ST3GAL3: variants seen among roughly 807,000 people sequenced by gnomAD.
The protein encoded by ST3GAL3 is ST3 beta-galactoside alpha-2,3-sialyltransferase 3, also known as CMP-N-acetylneuraminate-beta-1,4-galactoside alpha-2,3-sialyltransferase.
A neutral mutation model predicts 50.1 loss-of-function variants in ST3GAL3; 21 were observed. That is an observed-to-expected ratio of 0.42 (90% confidence interval 0.30 to 0.60). ST3GAL3 has a LOEUF of 0.60. Among genes scored for constraint, ST3GAL3 ranks in the 20% least tolerant of loss-of-function variants. ST3GAL3 has a pLI of 0.19. For missense variants in ST3GAL3, 353 were observed against 489.4 expected (o/e 0.72, Z 2.63); for synonymous variants, 183 against 190.0 (o/e 0.96, Z 0.30).
Position 43,915,096 on chromosome 1 carries a change from GGACA to G in ST3GAL3, c.745-5302_745-5299del, listed in dbSNP as rs568852980. The stretch of plus-strand genomic sequence containing the variant: ...TCCAATGTTTGAACTGACCTTTGGA[GGACA>G]GACAGTTTGCCAGAGAAAGAGATGT... On this transcript the variant is annotated intron_variant, in intron 9 of 11. Coordinates refer to ENST00000347631, the MANE Select transcript of ST3GAL3 (RefSeq NM_006279.5). Among the ~76,000 whole-genome samples the G allele has an allele frequency of 1.2e-3, 184 of 152,368 alleles. 2 individuals are homozygous for G. Among genetic ancestry groups the G allele is most frequent in the African/African-American group, 4.1e-3 (172 of 41,582 alleles).
chr1:43,912,184 C>A, intron 9 of ST3GAL3: 1 of 152,114 alleles, frequency 6.6e-6, no homozygotes, highest in Non-Finnish European at 1.5e-5. Context: ...CATCAAGGAG[C>A]CTGGACCTTA....
intron 2 of ST3GAL3, among the ~76,000 whole-genome samples, chr1:43,762,128 G>A (rs1203490754): frequency 4.6e-5 from 7 of 151,088 alleles, no homozygotes; most frequent in African/African-American, 1.5e-4. Context: ...AAAATCAGTC[G>A]GATGTGGTGG....
intron 4 of ST3GAL3, among the ~76,000 whole-genome samples, chr1:43,816,709 G>A (rs1405307740): frequency 5.3e-5 from 8 of 152,226 alleles, no homozygotes; most frequent in African/African-American, 1.7e-4. Flanking sequence ...GTTGGGTCCT[G>A]CAGAGTAGGC....
At chr1:43,921,681 C>T (rs16831424) in intron 11 of ST3GAL3, 9,382 of 398,750 alleles carry the variant, frequency 0.024, 721 homozygotes, top group African/African-American at 0.17. Flanking sequence ...TCCTGCTTAT[C>T]AGTCTTCTTA....
At chr1:43,732,768 T>C (rs1676500006) in intron 1 of ST3GAL3, among the ~76,000 whole-genome samples, 1 of 152,198 alleles carries the variant, frequency 6.6e-6, no homozygotes, top group African/African-American at 2.4e-5. Flanking sequence ...TTCATGTACA[T>C]GTCCTTTTTA....
intron 2 of ST3GAL3, among the ~76,000 whole-genome samples, chr1:43,761,979 A>AG (rs1558185245): frequency 4.6e-5 from 6 of 131,726 alleles, no homozygotes; most frequent in Non-Finnish European, 6.6e-5. Flanking sequence ...AAAAAAAAAA[A>AG]TTCAGGCTGG....
intron 2 of ST3GAL3, chr1:43,772,486 G>T (rs1436160174): frequency 6.5e-6 from 1 of 153,684 alleles, no homozygotes; most frequent in Non-Finnish European, 1.4e-5. Flanking sequence ...CCAGCTACAC[G>T]CTTGGTGCCC....
intron 5 of ST3GAL3, among the ~76,000 whole-genome samples, chr1:43,893,976 G>A (rs1433645382): frequency 6.6e-6 from 1 of 152,202 alleles, no homozygotes; most frequent in Non-Finnish European, 1.5e-5. Flanking sequence ...TGTACTGGCT[G>A]TATTTTTGGA....
intron 4 of ST3GAL3, chr1:43,831,932 AGAGGATT>A (rs2063603705): frequency 1.3e-5 from 2 of 152,248 alleles, no homozygotes; most frequent in African/African-American, 4.8e-5. Context: ...ACTACTTTGT[AGAGGATT>A]GTTGTAAAGC....
At chr1:43,761,265 G>A (rs561804906) in intron 2 of ST3GAL3, among the ~76,000 whole-genome samples, 6 of 151,824 alleles carry the variant, frequency 4.0e-5, no homozygotes, top group African/African-American at 1.2e-4. Flanking sequence ...GAGTTTATTT[G>A]GCTATATATT....
intron 5 of ST3GAL3, among the ~76,000 whole-genome samples, chr1:43,875,651 G>T (rs1166014294): frequency 6.6e-6 from 1 of 151,990 alleles, no homozygotes; most frequent in Non-Finnish European, 1.5e-5. Flanking sequence ...CTGCCACCTT[G>T]TGAAGAAGGT....
intron 1 of ST3GAL3, chr1:43,716,652 G>A (rs900546371): frequency 1.3e-5 from 2 of 151,800 alleles, no homozygotes; most frequent in African/African-American, 4.8e-5. Context: ...AGTGAATGGC[G>A]GTACCACACA....
intron 5 of ST3GAL3, among the ~76,000 whole-genome samples, chr1:43,881,729 A>T (rs916729564): frequency 2.7e-5 from 4 of 149,600 alleles, no homozygotes; most frequent in Non-Finnish European, 5.9e-5. Flanking sequence ...CTGGACACGG[A>T]TGTGGCCACA....
intron 3 of ST3GAL3, among the ~76,000 whole-genome samples, chr1:43,806,312 T>C (rs1277356813): frequency 1.3e-5 from 2 of 152,198 alleles, no homozygotes; most frequent in East Asian, 3.9e-4. Flanking sequence ...AAATGTCACC[T>C]GCAGTAGCTC....
rs543326502 is a variant in ST3GAL3 at position 43,736,230 on chromosome 1, T to C, written c.-30-3T>C. The C allele has an allele frequency of 3.1e-6, 5 of 1,613,978 alleles. No homozygotes were observed. The highest frequency in any genetic ancestry group is 4.5e-5 in the East Asian group (2 of 44,884). On this transcript the variant is annotated splice_polypyrimidine_tract_variant and splice_region_variant and intron_variant, in intron 1 of 11. Coordinates refer to ENST00000347631, the MANE Select transcript of ST3GAL3 (RefSeq NM_006279.5). ...TTTAAGAACTAAACTTTTTCTTTTCTAGGTCATTTAGGAAATCGTAAATCA... is the reference window on the plus strand; with the variant it reads ...TTTAAGAACTAAACTTTTTCTTTTCCAGGTCATTTAGGAAATCGTAAATCA...
At chr1:43,775,690 A>C (rs1696950190) in intron 2 of ST3GAL3, among the ~76,000 whole-genome samples, 1 of 152,200 alleles carries the variant, frequency 6.6e-6, no homozygotes, top group African/African-American at 2.4e-5. Flanking sequence ...CAGGAATTCT[A>C]ATTCAAAGAT....
At chr1:43,763,914 C>T (rs1691536574) in intron 2 of ST3GAL3, among the ~76,000 whole-genome samples, 1 of 152,194 alleles carries the variant, frequency 6.6e-6, no homozygotes, top group South Asian at 2.1e-4. Context: ...ACAGTAGAGG[C>T]ATTACAACAT....
chr1:43,815,070 C>T, intron 4 of ST3GAL3, 137 bp downstream of exon 4: 2 of 901,512 alleles, frequency 2.2e-6, no homozygotes, highest in East Asian at 2.4e-5. Flanking sequence ...AGGCTGTCAG[C>T]AGAATCTTGG....
chr1:43,827,347 A>G (rs979109130), intron 4 of ST3GAL3, among the ~76,000 whole-genome samples: 1 of 152,146 alleles, frequency 6.6e-6, no homozygotes, highest in Non-Finnish European at 1.5e-5. Context: ...CCAAAAAAAA[A>G]GGGAAATACT....
Sources: allele counts gnomAD v4.1 joint callset (sites outside exome capture counted in the v4.1 genomes callset), GRCh38; gene constraint gnomAD v4.1.1; transcripts MANE v1.5; gene names NCBI Gene and HGNC (gene_info 2026-07-23, HGNC 2026-07-21).